The following KCNMB4 variants were observed in gnomAD, a reference collection of about 807,000 sequenced individuals.
KCNMB4 encodes potassium calcium-activated channel subfamily M regulatory beta subunit 4, also known as calcium-activated potassium channel subunit beta-4.
In KCNMB4, 3 loss-of-function variants were observed where a neutral mutation model predicts 20.7. The ratio of observed to expected loss-of-function variants is 0.14; its 90% CI spans 0.07 to 0.37. KCNMB4 has a LOEUF of 0.37. KCNMB4 is among the 10% of genes least tolerant of loss of function. The pLI is 1.00. For synonymous variants in KCNMB4, 110 were observed against 113.4 expected (o/e 0.97, Z 0.19); for missense variants, 168 against 265.9 (o/e 0.63, Z 2.56).
chr12:70,421,463 CA>C (rs1484776939), intron 2 of KCNMB4, among the ~76,000 whole-genome samples: 8 of 37,736 alleles, frequency 2.1e-4, no homozygotes, highest in Non-Finnish European at 3.8e-4. Flanking sequence ...GACCTTGTCT[CA>C]AAAAAGAAAA....
Position 70,386,593 on chromosome 12 carries a change from T to TC in KCNMB4, c.337-13616_337-13615insC, listed in dbSNP as rs1565857217. On this transcript the variant is annotated intron_variant, in intron 1 of 2. Transcript: ENST00000258111. ...ATTGTAGCCTTTTTGTTTGTTTGTT[T>TC]GTTGTTTTTTTTTTTTTTAAGGAGA... 1.2e-3 allele frequency among the ~76,000 whole-genome samples: 160 copies of TC among 130,110 alleles called. 2 individuals are homozygous for TC. Among genetic ancestry groups the TC allele is most frequent in the Middle Eastern group, 3.6e-3 (1 of 278 alleles). The allele number at this position is 130,110 out of a possible 152,430, so 85.4% of individuals were successfully genotyped here.
intron 1 of KCNMB4, among the ~76,000 whole-genome samples, chr12:70,373,156 A>G (rs1362905638): frequency 6.6e-6 from 1 of 152,210 alleles, no homozygotes. Context: ...AAGCCATGGT[A>G]GGAGGAATAA....
chr12:70,408,743 A>T (rs1250669848), intron 2 of KCNMB4, among the ~76,000 whole-genome samples: 1 of 152,062 alleles, frequency 6.6e-6, no homozygotes, highest in Non-Finnish European at 1.5e-5. Flanking sequence ...CTCGAGGCTC[A>T]GTCTCCTTCC....
At chr12:70,412,187 T>G (rs1271187916) in intron 2 of KCNMB4, among the ~76,000 whole-genome samples, 1 of 152,190 alleles carries the variant, frequency 6.6e-6, no homozygotes, top group Non-Finnish European at 1.5e-5. Context: ...GGTAACTGTT[T>G]TGGAGGCACC....
chr12:70,378,909 G>A (rs1883736203), intron 1 of KCNMB4, among the ~76,000 whole-genome samples: 1 of 152,180 alleles, frequency 6.6e-6, no homozygotes, highest in African/African-American at 2.4e-5. Context: ...CAGTATGGAT[G>A]TCATGTTAGC....
chr12:70,391,916 G>C (rs551838170), intron 1 of KCNMB4, among the ~76,000 whole-genome samples: 1 of 152,344 alleles, frequency 6.6e-6, no homozygotes, highest in Non-Finnish European at 1.5e-5. Context: ...CACATTGTAA[G>C]AGTATGTGAA....
chr12:70,374,115 C>T (rs371246435), intron 1 of KCNMB4, among the ~76,000 whole-genome samples: 2 of 151,996 alleles, frequency 1.3e-5, no homozygotes, highest in African/African-American at 4.8e-5. Context: ...TGTAAGGTCC[C>T]CAAAACTTAT....
At chr12:70,415,528 G>C (rs1868892093) in intron 2 of KCNMB4, among the ~76,000 whole-genome samples, 1 of 152,190 alleles carries the variant, frequency 6.6e-6, no homozygotes, top group South Asian at 2.1e-4. Flanking sequence ...TAATTAATAA[G>C]ATTGCTATTA....
Position 70,366,903 on chromosome 12 carries a change from C to CT in KCNMB4, c.170dup (p.Ser58ValfsTer36). ...AGCCACGGAGGCCAATTGCACGGTGCTGTCGGTGCAGCAGATCGGCGAGGT... is the reference window on the plus strand; with the variant it reads ...AGCCACGGAGGCCAATTGCACGGTGCTTGTCGGTGCAGCAGATCGGCGAGGT... On this transcript the variant is annotated frameshift_variant, in exon 1 of 3. Coordinates refer to ENST00000258111, the MANE Select transcript of KCNMB4 (RefSeq NM_014505.6). LOFTEE classifies it high-confidence loss of function. The CT allele has an allele frequency of 6.2e-7, 1 of 1,613,532 alleles. No individual in the cohort carries two copies. The highest frequency in any genetic ancestry group is 8.5e-7 in the Non-Finnish European group (1 of 1,179,904).
At chr12:70,421,643 G>T (rs1046400190) in intron 2 of KCNMB4, among the ~76,000 whole-genome samples, 2 of 151,352 alleles carry the variant, frequency 1.3e-5, no homozygotes, top group Non-Finnish European at 2.9e-5. Context: ...GTGCAGTGGC[G>T]CAATCTTGGC....
chr12:70,389,716 A>G (rs948233051), intron 1 of KCNMB4, among the ~76,000 whole-genome samples: 1 of 151,980 alleles, frequency 6.6e-6, no homozygotes, highest in Non-Finnish European at 1.5e-5. Flanking sequence ...TCAAATAAAA[A>G]TTTCGTGGGA....
intron 1 of KCNMB4, among the ~76,000 whole-genome samples, chr12:70,390,602 G>C (rs1868291550): frequency 1.3e-5 from 2 of 152,230 alleles, no homozygotes. Flanking sequence ...AATTGAGACA[G>C]CTTCCTGCTC....
At chr12:70,423,174 C>A (rs1869116325) in intron 2 of KCNMB4, among the ~76,000 whole-genome samples, 1 of 152,124 alleles carries the variant, frequency 6.6e-6, no homozygotes, top group African/African-American at 2.4e-5. Flanking sequence ...AAATAACATA[C>A]CTGCCAGTTT....
rs1422354795 is a variant in KCNMB4 at position 70,366,446 on chromosome 12, G to T, written c.-289G>T. ...GGCAGGGGGCGCTGGAAGCTGGAGC[G>T]GTCCGTGCGCTCCCCGCGCCCGAGG... On this transcript the variant is annotated 5_prime_UTR_variant, in exon 1 of 3. Transcript: ENST00000258111. 1 of 152,048 alleles carries T rather than the reference G, an allele frequency of 6.6e-6. No individual in the cohort carries two copies. Among genetic ancestry groups the T allele is most frequent in the Non-Finnish European group, 1.5e-5 (1 of 68,178 alleles). The allele number at this position is 152,048 out of a possible 1,614,324, so 9.4% of individuals were successfully genotyped here.
chr12:70,408,253 G>GC (rs1868667594), intron 2 of KCNMB4, among the ~76,000 whole-genome samples: 1 of 152,108 alleles, frequency 6.6e-6, no homozygotes, highest in Non-Finnish European at 1.5e-5. Flanking sequence ...GTGCTGTTTG[G>GC]AGGTGTGAAA....
In KCNMB4 at chr12:70,370,312, T is replaced by TC. The variant is rs1330053977; in HGVS notation, c.336+3242_336+3243insC. On this transcript the variant is annotated intron_variant, in intron 1 of 2. Coordinates refer to ENST00000258111, the MANE Select transcript of KCNMB4 (RefSeq NM_014505.6). ...TGAATTTTTTGTTTTTTTTTGTTTT[T>TC]TTGTTTTTTTTTTGAGACAGAGTCT... Among the ~76,000 whole-genome samples the TC allele has an allele frequency of 6.1e-5, 9 of 148,754 alleles. No individual in the cohort carries two copies. In the East Asian group the frequency reaches 1.4e-3, roughly 24 times the overall value.
chr12:70,421,146 GTTGGAC>G (rs1411077008), intron 2 of KCNMB4, among the ~76,000 whole-genome samples: 2 of 151,976 alleles, frequency 1.3e-5, no homozygotes, highest in Admixed American at 6.6e-5. Context: ...GGTTGGAAAA[GTTGGAC>G]TTGGACTAGA....
intron 1 of KCNMB4, among the ~76,000 whole-genome samples, chr12:70,387,809 T>G (rs1267838113): frequency 2.0e-5 from 3 of 152,212 alleles, no homozygotes; most frequent in African/African-American, 7.2e-5. Flanking sequence ...CATTTATCCT[T>G]TGAGTTACAA....
At chr12:70,367,343 T>C (rs1241581559) in intron 1 of KCNMB4, among the ~76,000 whole-genome samples, 1 of 152,054 alleles carries the variant, frequency 6.6e-6, no homozygotes, top group Non-Finnish European at 1.5e-5. Flanking sequence ...CTCGACCCAG[T>C]CCGGGTCCTG....
Sources: allele counts gnomAD v4.1 joint callset (sites outside exome capture counted in the v4.1 genomes callset), GRCh38; gene constraint gnomAD v4.1.1; transcripts MANE v1.5; gene names NCBI Gene and HGNC (gene_info 2026-07-23, HGNC 2026-07-21).